The following CELF2 variants were observed in gnomAD, a reference collection of about 807,000 sequenced individuals.
CELF2 encodes the protein CUGBP Elav-like family member 2.
In CELF2, 8 loss-of-function variants were observed where a neutral mutation model predicts 62.6. That is an observed-to-expected ratio of 0.13 (90% CI 0.07 to 0.23). CELF2 has a LOEUF of 0.23. CELF2 is among the 10% of genes least tolerant of loss of function. The pLI is 1.00. For synonymous variants in CELF2, 258 were observed against 250.0 expected, an observed-to-expected ratio of 1.03 and a Z score of -0.30; for missense variants, 333 against 671.0, an observed-to-expected ratio of 0.50 and a Z score of 5.56.
chr10:11,146,092 C>T (rs749748944), intron 1 of CELF2, among the ~76,000 whole-genome samples: 2 of 152,140 alleles, frequency 1.3e-5, no homozygotes, highest in African/African-American at 4.8e-5. Context: ...GATCCCAGCC[C>T]AGGATTGCAT....
intron 1 of CELF2, among the ~76,000 whole-genome samples, chr10:11,035,815 C>T (rs1270739496): frequency 1.3e-5 from 2 of 152,212 alleles, no homozygotes; most frequent in Non-Finnish European, 2.9e-5. Context: ...AGATATAATG[C>T]TTCCTCTCCC....
Position 11,257,841 on chromosome 10 carries a change from G to A in CELF2, c.507G>A (p.Arg169=). 1 of 1,614,208 alleles carries A rather than the reference G, an allele frequency of 6.2e-7. No individual in the cohort carries two copies. The highest frequency in any genetic ancestry group is 8.5e-7 in the Non-Finnish European group (1 of 1,180,038). Residue 169 remains arginine (R), a synonymous_variant, in exon 5 of 13, where the codon CGG becomes CGA. Transcript: ENST00000633077. Reference sequence around the variant, plus strand: ...CATTTGGCCAGATAGAAGAATGCCGGATCCTCCGGGGACCTGATGGGCTGA... The same window carrying A: ...CATTTGGCCAGATAGAAGAATGCCGAATCCTCCGGGGACCTGATGGGCTGA... ...FSPFGQIEEC[R]ILRGPDGLSR... is the part of the protein sequence containing the mutation.
intron 2 of CELF2, among the ~76,000 whole-genome samples, chr10:10,955,302 C>T (rs1412803585): frequency 2.0e-5 from 3 of 152,230 alleles, no homozygotes; most frequent in Non-Finnish European, 2.9e-5. Flanking sequence ...CCACACAGTG[C>T]GAGTATGCCT....
chr10:10,645,422 C>T, the CELF2 span, among the ~76,000 whole-genome samples: 10 of 152,110 alleles, frequency 6.6e-5, no homozygotes, highest in Admixed American at 6.5e-4. Context: ...CGAGGCTGAG[C>T]TGGGAAGATC....
intron 3 of CELF2, among the ~76,000 whole-genome samples, chr10:11,228,338 A>C (rs2067313369): frequency 6.6e-6 from 1 of 152,202 alleles, no homozygotes; most frequent in Non-Finnish European, 1.5e-5. Context: ...CACATAAAAA[A>C]CAAATAAGGT....
the CELF2 span, among the ~76,000 whole-genome samples, chr10:10,670,512 C>T: frequency 2.0e-5 from 3 of 152,160 alleles, no homozygotes; most frequent in Non-Finnish European, 4.4e-5. Flanking sequence ...GCCCCCTGCC[C>T]CCACATTTGC....
chr10:11,016,179 C>A (rs2057228597), upstream of CELF2, among the ~76,000 whole-genome samples: 1 of 152,114 alleles, frequency 6.6e-6, no homozygotes, highest in African/African-American at 2.4e-5. The surrounding 1 kb of genome is among the most constrained non-coding windows in gnomAD (Gnocchi z 5.2). Context: ...TAATTGAAGA[C>A]CAATCAAAAT....
intron 1 of CELF2, among the ~76,000 whole-genome samples, chr10:10,823,926 G>A (rs542741447): frequency 6.6e-6 from 1 of 152,174 alleles, no homozygotes; most frequent in South Asian, 2.1e-4. Context: ...GGATAGATGG[G>A]TAGATAGCTG....
chr10:10,921,683 G>A (rs2064932169), intron 2 of CELF2, among the ~76,000 whole-genome samples: 1 of 152,140 alleles, frequency 6.6e-6, no homozygotes, highest in South Asian at 2.1e-4. Flanking sequence ...CGGGATCCAG[G>A]GCACAGATGG....
chr10:10,656,051 G>T, the CELF2 span, among the ~76,000 whole-genome samples: 1 of 150,180 alleles, frequency 6.7e-6, no homozygotes, highest in Non-Finnish European at 1.5e-5. Context: ...CCATCAAAAA[G>T]TGGGCGAAGG....
chr10:11,056,611 A>T (rs1462883688), intron 1 of CELF2, among the ~76,000 whole-genome samples: 1 of 152,250 alleles, frequency 6.6e-6, no homozygotes, highest in East Asian at 1.9e-4. Flanking sequence ...GGAGTCAAGG[A>T]TTATAAATTT....
intron 1 of CELF2, among the ~76,000 whole-genome samples, chr10:11,066,357 G>T (rs1247028755): frequency 6.6e-6 from 1 of 151,526 alleles, no homozygotes; most frequent in South Asian, 2.1e-4. Context: ...ATCACTGTAC[G>T]TTGATTAACC....
chr10:10,583,352 A>AT, the CELF2 span, among the ~76,000 whole-genome samples: 1 of 151,954 alleles, frequency 6.6e-6, no homozygotes, highest in South Asian at 2.1e-4. Context: ...TCCCTCACAT[A>AT]TTTTTCTGTT....
the CELF2 span, among the ~76,000 whole-genome samples, chr10:10,682,148 C>A: frequency 2.0e-5 from 3 of 152,136 alleles, no homozygotes; most frequent in Non-Finnish European, 4.4e-5. Context: ...ATATGGACCA[C>A]CCCGAGTAAA....
the CELF2 span, among the ~76,000 whole-genome samples, chr10:10,731,795 T>C: frequency 6.6e-6 from 1 of 152,188 alleles, no homozygotes; most frequent in Non-Finnish European, 1.5e-5. Flanking sequence ...AGGAATGTTC[T>C]GTTCAGTTTG....
intron 1 of CELF2, among the ~76,000 whole-genome samples, chr10:10,876,478 T>G (rs2061100089): frequency 6.6e-6 from 1 of 152,208 alleles, no homozygotes; most frequent in Non-Finnish European, 1.5e-5. Context: ...ACACCATCCT[T>G]GCCTCTTTAT....
the CELF2 span, among the ~76,000 whole-genome samples, chr10:10,534,792 AG>A: frequency 4.6e-5 from 7 of 152,336 alleles, no homozygotes; most frequent in African/African-American, 1.7e-4. Flanking sequence ...ATGGTCTAAA[AG>A]AATTGATGCA....
chr10:11,192,424 A>G (rs1241581360), intron 2 of CELF2, among the ~76,000 whole-genome samples: 1 of 152,182 alleles, frequency 6.6e-6, no homozygotes, highest in Non-Finnish European at 1.5e-5. Flanking sequence ...GTGTGCCACC[A>G]CAGTGCTGCC....
chr10:10,554,006 A>T, the CELF2 span, among the ~76,000 whole-genome samples: 2 of 152,186 alleles, frequency 1.3e-5, no homozygotes, highest in Admixed American at 1.3e-4. Context: ...CCCTGGGGTG[A>T]AGGATAGACT....
Sources: gnomAD v4.1 joint callset for allele counts (sites outside exome capture counted in the v4.1 genomes callset) on GRCh38, gnomAD v4.1.1 for gene constraint, Gnocchi (gnomAD v3.1) non-coding constraint, MANE v1.5 for transcripts, NCBI Gene and HGNC (gene_info 2026-07-23, HGNC 2026-07-21) for gene names.